The following CPNE8 variants were observed in gnomAD, a reference collection of about 807,000 sequenced individuals.
CPNE8 encodes the protein copine 8, also known as copine-8.
A neutral mutation model predicts 81.5 loss-of-function variants in CPNE8; 45 were observed. That is an observed-to-expected ratio of 0.55 (90% CI 0.44 to 0.71). CPNE8 has a LOEUF of 0.71. Ranked by LOEUF, CPNE8 falls within the 30% of genes least tolerant of loss-of-function variation. The probability of loss-of-function intolerance (pLI) is 0.00; values close to 1 mark genes in which losing one functional copy is unlikely to be tolerated. For synonymous variants in CPNE8, 252 were observed against 226.3 expected (o/e 1.11, Z -1.02); for missense variants, 594 against 672.1 (o/e 0.88, Z 1.28).
intron 19 of CPNE8, among the ~76,000 whole-genome samples, chr12:38,657,032 G>T (rs1274323994): frequency 6.6e-6 from 1 of 152,232 alleles, no homozygotes; most frequent in Admixed American, 6.5e-5. Flanking sequence ...TGGTTGGACA[G>T]TGGGTGCAGC....
In CPNE8 at chr12:38,655,171, C is replaced by T. The variant is rs140209566; in HGVS notation, c.1507-1101G>A. ...TTTGTGGTTTTTCAATGGCAAAAAC[C>T]GCAATTACTTTTGCACCACCCTTAA... On this transcript the variant is annotated intron_variant, in intron 19 of 19. Transcript: ENST00000331366. 8.3e-3 allele frequency among the ~76,000 whole-genome samples: 1,266 copies of T among 152,122 alleles called. 10 individuals are homozygous for T. Among genetic ancestry groups the T allele is most frequent in the Middle Eastern group, 0.027 (8 of 294 alleles).
At chr12:38,761,178 C>T (rs547004270) in intron 9 of CPNE8, among the ~76,000 whole-genome samples, 31 of 152,276 alleles carry the variant, frequency 2.0e-4, no homozygotes, top group Admixed American at 5.9e-4. Flanking sequence ...CCCACTTCTC[C>T]GCTCTTGAAA....
At position 38,792,448 on chromosome 12, in the gene CPNE8, C is replaced by A. The variant is rs527706559; in HGVS notation, c.408-16147G>T. On this transcript the variant is annotated intron_variant, in intron 6 of 19. Coordinates refer to ENST00000331366, the MANE Select transcript of CPNE8 (RefSeq NM_153634.3). ...GAAAAAAGTATAAGAATATTATGAA[C>A]AACTGCAGGCCAAGAAATTGAAAAA... is the stretch of plus-strand genomic sequence containing the variant. Among the ~76,000 whole-genome samples, 7 of 151,226 alleles carry A rather than the reference C, an allele frequency of 4.6e-5. No individual in the cohort carries two copies. In the South Asian group the frequency reaches 1.5e-3, roughly 31 times the overall value.
intron 6 of CPNE8, among the ~76,000 whole-genome samples, chr12:38,780,313 A>T (rs1283982242): frequency 6.6e-6 from 1 of 152,154 alleles, no homozygotes; most frequent in East Asian, 1.9e-4. Context: ...GGAGAAGCAG[A>T]CATGGGAACT....
intron 14 of CPNE8, among the ~76,000 whole-genome samples, chr12:38,701,516 G>A (rs1487799778): frequency 1.3e-5 from 2 of 152,010 alleles, no homozygotes; most frequent in Non-Finnish European, 2.9e-5. Context: ...TTGTTTTTGA[G>A]ATGGAGTCTC....
chr12:38,723,906 G>GA, intron 12 of CPNE8, 73 bp from the exon 13 acceptor site: 1 of 840,788 alleles, frequency 1.2e-6, no homozygotes, highest in Non-Finnish European at 2.0e-6. Context: ...TTATTAGAGA[G>GA]AAAATCATAT....
At chr12:38,659,605 C>T (rs2136632859) in intron 19 of CPNE8, among the ~76,000 whole-genome samples, 1 of 152,328 alleles carries the variant, frequency 6.6e-6, no homozygotes, top group East Asian at 1.9e-4. Flanking sequence ...TTCTTCTCAG[C>T]ACCACATCGC....
chr12:38,704,830 A>ATATATG lies in CPNE8; in HGVS notation c.915-1910_915-1909insCATATA, dbSNP rs779179947. 1.1e-3 allele frequency among the ~76,000 whole-genome samples: 70 copies of ATATATG among 64,314 alleles called. 3 individuals carry two copies. Among genetic ancestry groups the ATATATG allele is most frequent in the African/African-American group, 2.4e-3 (69 of 28,828 alleles). The allele number at this position is 64,314 out of a possible 152,430, so 42.2% of individuals were successfully genotyped here. On this transcript the variant is annotated intron_variant, in intron 13 of 19. Coordinates refer to ENST00000331366, the MANE Select transcript of CPNE8 (RefSeq NM_153634.3). ...CATCTGTGTGTGTATGTATGTGTAT[A>ATATATG]TATATATATATATATATATATATAT...
At chr12:38,718,026 T>C (rs1188542130) in intron 13 of CPNE8, among the ~76,000 whole-genome samples, 1 of 152,034 alleles carries the variant, frequency 6.6e-6, no homozygotes, top group Non-Finnish European at 1.5e-5. Context: ...TTATGTATTA[T>C]GGAAGGGCAT....
intron 10 of CPNE8, among the ~76,000 whole-genome samples, chr12:38,755,867 C>T (rs910102866): frequency 2.6e-5 from 4 of 151,438 alleles, no homozygotes; most frequent in Admixed American, 1.3e-4. Flanking sequence ...GGTGAAACCC[C>T]GTCTCTACTA....
intron 7 of CPNE8, among the ~76,000 whole-genome samples, chr12:38,772,475 T>C (rs1228137642): frequency 6.6e-6 from 1 of 152,180 alleles, no homozygotes; most frequent in Non-Finnish European, 1.5e-5. Context: ...TGAATAAGCA[T>C]ATCTCTAAGG....
At chr12:38,830,170 C>G (rs1038112300) in intron 5 of CPNE8, among the ~76,000 whole-genome samples, 1 of 152,108 alleles carries the variant, frequency 6.6e-6, no homozygotes, top group African/African-American at 2.4e-5. Flanking sequence ...AATGAGAGGT[C>G]TGATATTAAC....
chr12:38,858,792 G>C (rs1943785737), intron 3 of CPNE8, among the ~76,000 whole-genome samples: 1 of 151,678 alleles, frequency 6.6e-6, no homozygotes, highest in Non-Finnish European at 1.5e-5. Context: ...TTTTTCCTGT[G>C]ATACAAGGAT....
At chr12:38,758,737 A>G (rs1941515700) in intron 10 of CPNE8, among the ~76,000 whole-genome samples, 1 of 152,204 alleles carries the variant, frequency 6.6e-6, no homozygotes, top group African/African-American at 2.4e-5. Context: ...ACTTTCAATA[A>G]ATCATATCCT....
At chr12:38,734,688 C>T (rs1940912772) in intron 10 of CPNE8, among the ~76,000 whole-genome samples, 1 of 151,972 alleles carries the variant, frequency 6.6e-6, no homozygotes, top group South Asian at 2.1e-4. Context: ...CTTTCTATTT[C>T]AAACATCAAC....
At chr12:38,897,574 G>A (rs1205361323) in intron 1 of CPNE8, among the ~76,000 whole-genome samples, 1 of 150,634 alleles carries the variant, frequency 6.6e-6, no homozygotes, top group African/African-American at 2.4e-5. Flanking sequence ...AATATTAAGG[G>A]AAAAGTACAG....
intron 19 of CPNE8, among the ~76,000 whole-genome samples, chr12:38,667,600 T>C (rs1458650672): frequency 6.6e-6 from 1 of 152,212 alleles, no homozygotes; most frequent in Non-Finnish European, 1.5e-5. Flanking sequence ...GATGCCACTG[T>C]CATTCAGGGT....
At chr12:38,778,024 C>T (rs936643606) in intron 6 of CPNE8, among the ~76,000 whole-genome samples, 7 of 152,128 alleles carry the variant, frequency 4.6e-5, no homozygotes, top group Admixed American at 4.6e-4. Flanking sequence ...TCCCATCACC[C>T]CCACATGGGA....
In CPNE8 at chr12:38,668,211, T is replaced by C. The variant is rs1210286738; in HGVS notation, c.1506+2518A>G. Among the ~76,000 whole-genome samples the C allele has an allele frequency of 2.0e-5, 3 of 152,138 alleles. No individual in the cohort carries two copies. The East Asian group carries it at 5.8e-4, about 29-fold the overall frequency. On this transcript the variant is annotated intron_variant, in intron 19 of 19. Coordinates refer to ENST00000331366, the MANE Select transcript of CPNE8 (RefSeq NM_153634.3). The stretch of plus-strand genomic sequence containing the variant: ...GTTACTTCCTCTGAGACTCACAACA[T>C]CATGGGAGGGGCAAAGATGAAAGAA...
Sources: allele counts gnomAD v4.1 joint callset (sites outside exome capture counted in the v4.1 genomes callset), GRCh38; gene constraint gnomAD v4.1.1; transcripts MANE v1.5; gene names NCBI Gene and HGNC (gene_info 2026-07-23, HGNC 2026-07-21).